SH3RF3: variants seen among roughly 807,000 people sequenced by gnomAD.
SH3RF3 encodes SH3 domain containing ring finger 3.
Under a neutral mutation model 66.3 loss-of-function variants are expected in SH3RF3, and 29 were observed. That is an observed-to-expected ratio of 0.44 (90% CI 0.33 to 0.60). The LOEUF (loss-of-function observed/expected upper bound fraction) is 0.60. Among genes scored for constraint, SH3RF3 ranks in the 20% least tolerant of loss-of-function variants. The pLI is 0.04. For synonymous variants in SH3RF3, 583 were observed against 532.0 expected (o/e 1.10, Z -1.32); for missense variants, 1,194 against 1,190.9 (o/e 1.00, Z -0.04).
intron 3 of SH3RF3, among the ~76,000 whole-genome samples, chr2:109,397,604 C>T (rs2104436030): frequency 6.6e-6 from 1 of 152,312 alleles, no homozygotes; most frequent in South Asian, 2.1e-4. Flanking sequence ...GACACTGTCA[C>T]TCACAGATGG....
intron 1 of SH3RF3, among the ~76,000 whole-genome samples, chr2:109,221,981 T>TTA (rs370701621): frequency 0.012 from 1,722 of 145,432 alleles, 6 homozygotes; most frequent in Non-Finnish European, 0.018. Flanking sequence ...ATGAATGGAT[T>TTA]AAAAAAAAAA....
chr2:109,249,320 C>G (rs1680001038), intron 1 of SH3RF3, among the ~76,000 whole-genome samples: 1 of 152,150 alleles, frequency 6.6e-6, no homozygotes, highest in African/African-American at 2.4e-5. Context: ...GGAAGGAAAC[C>G]TAACACATAA....
At chr2:109,390,276 C>T (rs951011161) in intron 3 of SH3RF3, among the ~76,000 whole-genome samples, 3 of 152,204 alleles carry the variant, frequency 2.0e-5, no homozygotes, top group African/African-American at 7.2e-5. Context: ...GGTTCATCTT[C>T]AGGTAAAATT....
At chr2:109,132,463 G>A (rs113339189) in intron 1 of SH3RF3, among the ~76,000 whole-genome samples, 1 of 152,126 alleles carries the variant, frequency 6.6e-6, no homozygotes, top group Non-Finnish European at 1.5e-5. Context: ...GTCCCCTGAC[G>A]TGGTTAGCAG....
At chr2:109,193,109 A>T (rs1024594949) in intron 1 of SH3RF3, among the ~76,000 whole-genome samples, 5 of 152,214 alleles carry the variant, frequency 3.3e-5, no homozygotes, top group Non-Finnish European at 7.3e-5. Flanking sequence ...ATGAAGGAAC[A>T]TTCTTAACTC....
intron 1 of SH3RF3, among the ~76,000 whole-genome samples, chr2:109,243,409 T>A (rs1302138088): frequency 6.6e-6 from 1 of 152,226 alleles, no homozygotes; most frequent in Non-Finnish European, 1.5e-5. Flanking sequence ...TGTCCTTTCT[T>A]CTTGCATCAA....
At chr2:109,402,202 T>C (rs1288061484) in intron 4 of SH3RF3, among the ~76,000 whole-genome samples, 1 of 152,236 alleles carries the variant, frequency 6.6e-6, no homozygotes, top group East Asian at 1.9e-4. Context: ...CCTTCCTGGT[T>C]CCTACCACCT....
At chr2:109,312,136 C>A (rs1275828212) in intron 1 of SH3RF3, among the ~76,000 whole-genome samples, 1 of 152,164 alleles carries the variant, frequency 6.6e-6, no homozygotes, top group South Asian at 2.1e-4. Context: ...CTATTCAGAA[C>A]TGGTTATTTG....
In SH3RF3 at chr2:109,129,858, C is replaced by T. The variant is rs1262715675; in HGVS notation, c.318C>T (p.Asp106=). 2 of 1,526,980 alleles carry T rather than the reference C, an allele frequency of 1.3e-6. No individual in the cohort carries two copies. The highest frequency in any genetic ancestry group is 2.5e-5 in the East Asian group (1 of 39,632). The allele number at this position is 1,526,980 out of a possible 1,614,324, so 94.6% of individuals were successfully genotyped here. Residue 106 remains aspartate (D), a synonymous_variant, in exon 1 of 10, where the codon GAC becomes GAT. Transcript: ENST00000309415. ...ECRILVGCGV[D]ELPANILLVR... ...GCATCCTGGTGGGCTGCGGCGTGGA[C>T]GAACTGCCCGCCAACATCTTGCTGG...
intron 1 of SH3RF3, among the ~76,000 whole-genome samples, chr2:109,291,612 G>A (rs1468112807): frequency 6.6e-6 from 1 of 152,230 alleles, no homozygotes; most frequent in Non-Finnish European, 1.5e-5. Context: ...GCAGCTCCTC[G>A]TGGTGGGGAA....
At chr2:109,240,525 G>T (rs189074679) in intron 1 of SH3RF3, among the ~76,000 whole-genome samples, 1 of 152,260 alleles carries the variant, frequency 6.6e-6, no homozygotes, top group East Asian at 1.9e-4. Context: ...CCAGAGTCAG[G>T]GTTGGGCTTG....
chr2:109,470,126 A>G (rs1678464615), intron 8 of SH3RF3, among the ~76,000 whole-genome samples: 1 of 152,180 alleles, frequency 6.6e-6, no homozygotes, highest in Non-Finnish European at 1.5e-5. Flanking sequence ...CTTCTCAACT[A>G]CAAGGATTCC....
intron 8 of SH3RF3, among the ~76,000 whole-genome samples, chr2:109,474,723 C>G (rs1474657253): frequency 6.6e-6 from 1 of 152,212 alleles, no homozygotes; most frequent in Non-Finnish European, 1.5e-5. Flanking sequence ...ACCACCATCA[C>G]AGGAAACAGT....
intron 8 of SH3RF3, among the ~76,000 whole-genome samples, chr2:109,468,683 G>C (rs1014913954): frequency 7.3e-5 from 11 of 151,686 alleles, no homozygotes; most frequent in African/African-American, 2.7e-4. Flanking sequence ...GTGAAACCCT[G>C]TCTCTATTAA....
chr2:109,403,778 G>A lies in SH3RF3; in HGVS notation c.1299+4835G>A, dbSNP rs555633116. On this transcript the variant is annotated intron_variant, in intron 4 of 9. Coordinates refer to ENST00000309415, the MANE Select transcript of SH3RF3 (RefSeq NM_001099289.3). ...TAAGAGCCAGCCTCCAGAGCCAGAC[G>A]GCCAGGTTGAGCACTTATCCTTGCA... Among the ~76,000 whole-genome samples the A allele has an allele frequency of 2.0e-4, 31 of 152,282 alleles. No individual in the cohort carries two copies. In the South Asian group the frequency reaches 5.8e-3, roughly 28 times the overall value.
chr2:109,211,070 A>G (rs1678963633), intron 1 of SH3RF3, among the ~76,000 whole-genome samples: 2 of 152,104 alleles, frequency 1.3e-5, no homozygotes, highest in African/African-American at 4.8e-5. Flanking sequence ...TCTGGTAGGG[A>G]GCACACCTTT....
chr2:109,269,535 C>G (rs140813480), intron 1 of SH3RF3, among the ~76,000 whole-genome samples: 7,855 of 152,284 alleles, frequency 0.052, 363 homozygotes, highest in East Asian at 0.18. Context: ...AATCCCAGCA[C>G]TTTGGGAGGC....
In SH3RF3 at chr2:109,502,370, A is replaced by G. The variant is rs1384970979; in HGVS notation, c.*699A>G. ...AGCTGTTAGACTTTATATATTTCTA[A>G]TAGGTCAGACATTGCCTATTTTTCA... is the stretch of plus-strand genomic sequence containing the variant. On this transcript the variant is annotated 3_prime_UTR_variant, in exon 10 of 10. Coordinates refer to ENST00000309415, the MANE Select transcript of SH3RF3 (RefSeq NM_001099289.3). 3 of 152,224 alleles carry G rather than the reference A, an allele frequency of 2.0e-5. No homozygotes were observed. The highest frequency in any genetic ancestry group is 1.5e-5 in the Non-Finnish European group (1 of 68,046). 9.4% of individuals were successfully genotyped at this position (152,224 alleles called of 1,614,324 possible).
intron 1 of SH3RF3, among the ~76,000 whole-genome samples, chr2:109,217,989 A>G (rs1317577504): frequency 6.6e-6 from 1 of 152,126 alleles, no homozygotes; most frequent in African/African-American, 2.4e-5. Flanking sequence ...GCCTTCCCAC[A>G]GGTGTGCGGA....
Sources: allele counts gnomAD v4.1 joint callset (sites outside exome capture counted in the v4.1 genomes callset), GRCh38; gene constraint gnomAD v4.1.1; transcripts MANE v1.5; gene names NCBI Gene and HGNC (gene_info 2026-07-23, HGNC 2026-07-21).